The following DNAJC2 variants were observed in gnomAD, a reference collection of about 807,000 sequenced individuals.
DNAJC2 encodes the protein DnaJ heat shock protein family (Hsp40) member C2.
Under a neutral mutation model 94.0 loss-of-function variants are expected in DNAJC2, and 32 were observed. The observed-to-expected ratio is 0.34, with a 90% CI of 0.26 to 0.46. The LOEUF (loss-of-function observed/expected upper bound fraction) is 0.46, where lower values mean the gene tolerates loss of function less well. Among genes scored for constraint, DNAJC2 ranks in the 20% least tolerant of loss-of-function variants. The pLI, the probability that DNAJC2 is intolerant of heterozygous loss-of-function variation, is 1.00. For synonymous variants in DNAJC2, 210 were observed against 229.7 expected, an observed-to-expected ratio of 0.91 and a Z score of 0.77; for missense variants, 550 against 719.5, an observed-to-expected ratio of 0.76 and a Z score of 2.69.
At chr7:103,342,366 C>T (rs1426582237) in intron 1 of DNAJC2, among the ~76,000 whole-genome samples, 3 of 150,712 alleles carry the variant, frequency 2.0e-5, no homozygotes, top group South Asian at 2.1e-4. Context: ...AATGCAATGG[C>T]GAGATCTCGG....
Position 103,344,669 on chromosome 7 carries a change from G to T in DNAJC2, c.-47C>A. ...GTGGGCGCAGCGGCTCACGTCCCGG[G>T]CGGAGGGCGCTTAGGGTCCCCTCCA... On this transcript the variant is annotated 5_prime_UTR_variant, in exon 1 of 17. Coordinates refer to ENST00000379263, the MANE Select transcript of DNAJC2 (RefSeq NM_014377.3). 6.3e-7 allele frequency: 1 copy of T among 1,593,284 alleles called. No individual in the cohort carries two copies. Among genetic ancestry groups the T allele is most frequent in the Non-Finnish European group, 8.5e-7 (1 of 1,173,386 alleles).
At chr7:103,316,559 G>T in intron 13 of DNAJC2, 1 of 397,280 alleles carries the variant, frequency 2.5e-6, no homozygotes. Flanking sequence ...AACAAGCCAT[G>T]ACAGAGTAAG....
In DNAJC2 at chr7:103,344,650, G is replaced by A. The variant is rs1255897730; in HGVS notation, c.-28C>T. The A allele has an allele frequency of 5.0e-6, 8 of 1,603,472 alleles. No homozygotes were observed. The highest frequency in any genetic ancestry group is 5.9e-6 in the Non-Finnish European group (7 of 1,179,018). On this transcript the variant is annotated 5_prime_UTR_variant, in exon 1 of 17. Transcript: ENST00000379263. ...TGGCGCCGGGTCTAGCCCGGTGGGC[G>A]CAGCGGCTCACGTCCCGGGCGGAGG...
intron 2 of DNAJC2, 58 bp from the exon 3 acceptor site, chr7:103,337,869 C>T (rs1819235325): frequency 2.4e-6 from 3 of 1,262,866 alleles, no homozygotes; most frequent in African/African-American, 3.0e-5. Flanking sequence ...TATTCCATCC[C>T]TTGTGTTCTG....
At chr7:103,314,300 C>T in intron 15 of DNAJC2, 1 of 985,372 alleles carries the variant, frequency 1.0e-6, no homozygotes, top group Non-Finnish European at 1.2e-6. Context: ...CGTACTGTTG[C>T]AAAACTCCTA....
intron 3 of DNAJC2, among the ~76,000 whole-genome samples, chr7:103,331,284 G>A (rs1417910602): frequency 6.6e-6 from 1 of 152,196 alleles, no homozygotes; most frequent in African/African-American, 2.4e-5. Context: ...CATGATACAT[G>A]CATAAACCAC....
At position 103,312,733 on chromosome 7, in the gene DNAJC2, A is replaced by AAGAT. The variant is rs573869210; in HGVS notation, c.1792-94_1792-91dup. The AAGAT allele has an allele frequency of 5.7e-5, 90 of 1,573,146 alleles. No individual in the cohort carries two copies. In the African/African-American group the frequency reaches 1.2e-3, roughly 21 times the overall value. ...TTTGGTGTAAAGAATTCAAGCAACT[A>AAGAT]AGATAGATAGTACTAAATATACTGA... On this transcript the variant is annotated intron_variant, in intron 16 of 16. Coordinates refer to ENST00000379263, the MANE Select transcript of DNAJC2 (RefSeq NM_014377.3).
chr7:103,327,094 T>A (rs1415758865), intron 4 of DNAJC2, among the ~76,000 whole-genome samples: 1 of 152,174 alleles, frequency 6.6e-6, no homozygotes, highest in African/African-American at 2.4e-5. Context: ...AAAATTAGCA[T>A]CAAAGTGTAA....
chr7:103,334,118 T>C (rs925961790), intron 3 of DNAJC2, among the ~76,000 whole-genome samples: 1 of 151,926 alleles, frequency 6.6e-6, no homozygotes, highest in Admixed American at 6.5e-5. Context: ...GCCCAGCTGA[T>C]ATTTTTGTAT....
chr7:103,313,018 G>T lies in DNAJC2; in HGVS notation c.1720C>A (p.Pro574Thr), dbSNP rs747301944. ...QALKTYPVNTPERWEKIAEAV... is the reference protein window; with the variant it reads ...QALKTYPVNTTERWEKIAEAV... ...TCTGCTATTTTTTCCCATCTTTCAGGTGTATTTACTGGGTATGTTTTCAAA... is the reference window on the plus strand; with the variant it reads ...TCTGCTATTTTTTCCCATCTTTCAGTTGTATTTACTGGGTATGTTTTCAAA... Residue 574 changes from proline to threonine, a missense_variant, in exon 16 of 17, where the codon CCT becomes ACT. By Grantham distance (38) the Pro-to-Thr change is conservative. Coordinates refer to ENST00000379263, the MANE Select transcript of DNAJC2 (RefSeq NM_014377.3). 2.2e-5 allele frequency: 35 copies of T among 1,613,786 alleles called. No homozygotes were observed. Among genetic ancestry groups the T allele is most frequent in the Non-Finnish European group, 3.0e-5 (35 of 1,179,930 alleles).
intron 3 of DNAJC2, 44 bp downstream of exon 3, chr7:103,337,692 C>G: frequency 6.9e-7 from 1 of 1,452,850 alleles, no homozygotes; most frequent in African/African-American, 1.4e-5. Context: ...CCAGCCTGTT[C>G]CTATACAAGA....
In DNAJC2 at chr7:103,344,754, T is replaced by G. The variant is rs527658076; in HGVS notation, c.-132A>C. ...TCTAAGACGCCCAGGAACCGGCGCA[T>G]GGAGACGACCAGTAAGCACTTCCGG... On this transcript the variant is annotated 5_prime_UTR_variant, in exon 1 of 17. An upstream start codon of the reference 5' UTR is lost. Transcript: ENST00000379263. 5 of 890,290 alleles carry G rather than the reference T, an allele frequency of 5.6e-6. No homozygotes were observed. Among genetic ancestry groups the G allele is most frequent in the East Asian group, 2.6e-5 (1 of 38,744 alleles). 55.1% of individuals were successfully genotyped at this position (890,290 alleles called of 1,614,324 possible). A position where few individuals can be genotyped will look rare whatever the true frequency, so the allele number is the denominator to read the frequency against.
Position 103,318,252 on chromosome 7 carries a change from A to C in DNAJC2, c.1243-1238T>G, listed in dbSNP as rs181773119. 6.6e-5 allele frequency among the ~76,000 whole-genome samples: 10 copies of C among 151,036 alleles called. No homozygotes were observed. The East Asian group carries it at 1.8e-3, about 27-fold the overall frequency. ...ATGATCATAGCTCACTGCAGCTGTG[A>C]CCTCCCAGGCTCAGGTAATCCTCTA... On this transcript the variant is annotated intron_variant, in intron 12 of 16. Coordinates refer to ENST00000379263, the MANE Select transcript of DNAJC2 (RefSeq NM_014377.3).
chr7:103,315,043 TG>T (rs1311097925), intron 15 of DNAJC2, among the ~76,000 whole-genome samples: 1 of 152,182 alleles, frequency 6.6e-6, no homozygotes, highest in Non-Finnish European at 1.5e-5. Context: ...ATATAATGGG[TG>T]TAACACTCAT....
intron 3 of DNAJC2, among the ~76,000 whole-genome samples, chr7:103,332,467 T>C (rs1170202404): frequency 6.6e-6 from 1 of 152,216 alleles, no homozygotes; most frequent in South Asian, 2.1e-4. Context: ...CAGTTTATGA[T>C]TAACCGATTC....
intron 1 of DNAJC2, chr7:103,344,272 T>G: frequency 2.0e-6 from 1 of 508,778 alleles, no homozygotes; most frequent in Non-Finnish European, 3.5e-6. Context: ...CTTTCTGGGG[T>G]GCTGGGGGGT....
intron 15 of DNAJC2, chr7:103,313,777 A>G: frequency 1.0e-6 from 1 of 985,398 alleles, no homozygotes; most frequent in Non-Finnish European, 1.2e-6. Context: ...GTGTGTCAGA[A>G]ACAAATATGT....
intron 15 of DNAJC2, 119 bp downstream of exon 15, chr7:103,315,645 T>C (rs1818006304): frequency 1.6e-6 from 1 of 607,674 alleles, no homozygotes; most frequent in African/African-American, 1.9e-5. Context: ...TGCTTACAGC[T>C]TCCAGTCTGC....
Position 103,324,504 on chromosome 7 carries a change from C to A in DNAJC2, c.631G>T (p.Val211Leu). 6.7e-7 allele frequency: 1 copy of A among 1,496,366 alleles called. No individual in the cohort carries two copies. Among genetic ancestry groups the A allele is most frequent in the Non-Finnish European group, 9.0e-7 (1 of 1,111,786 alleles). 92.7% of individuals were successfully genotyped at this position (1,496,366 alleles called of 1,614,324 possible). A position where few individuals can be genotyped will look rare whatever the true frequency, so the allele number is the denominator to read the frequency against. ...TACCAGAAAGAATAAAATATATCTA[C>A]ATCTTCAAATGATGAATTCATATCA... ...LGDMNSSFED[V>L]DIFYSFWYNF... The change falls in exon 6 of 17, where the codon GTA becomes TTA. Residue 211 changes from valine (V) to leucine (L), a missense_variant. Transcript: ENST00000379263.
Sources: gnomAD v4.1 joint callset for allele counts (sites outside exome capture counted in the v4.1 genomes callset) on GRCh38, gnomAD v4.1.1 for gene constraint, MANE v1.5 for transcripts, NCBI Gene and HGNC (gene_info 2026-07-23, HGNC 2026-07-21) for gene names.